The following SPAG16 variants were observed in gnomAD, a reference collection of about 807,000 sequenced individuals.
SPAG16 encodes the protein sperm associated antigen 16.
SPAG16 carries 86 observed loss-of-function variants against 80.4 expected under a neutral mutation model. That is an observed-to-expected ratio of 1.07 (90% CI 0.90 to 1.28). The LOEUF (loss-of-function observed/expected upper bound fraction) is 1.28. Among genes scored for constraint, SPAG16 ranks in the 50% most tolerant of loss-of-function variants. SPAG16 has a pLI of 0.00. For missense variants in SPAG16, 870 were observed against 765.3 expected (o/e 1.14, Z -1.61); for synonymous variants, 294 against 265.9 (o/e 1.11, Z -1.03).
intron 9 of SPAG16, among the ~76,000 whole-genome samples, chr2:213,471,749 G>A (rs1185216547): frequency 6.6e-6 from 1 of 152,114 alleles, no homozygotes; most frequent in Admixed American, 6.5e-5. Context: ...ACTCAAAACT[G>A]GCAGCCTTTT....
At chr2:213,439,963 C>T (rs1360939288) in intron 9 of SPAG16, among the ~76,000 whole-genome samples, 1 of 152,138 alleles carries the variant, frequency 6.6e-6, no homozygotes, top group Non-Finnish European at 1.5e-5. Context: ...AAAGTGTATA[C>T]ATTTTTGTTT....
At chr2:214,375,671 G>A (rs1401332154) in intron 15 of SPAG16, among the ~76,000 whole-genome samples, 2 of 152,102 alleles carry the variant, frequency 1.3e-5, no homozygotes, top group Admixed American at 6.5e-5. Context: ...GAGTAAACCA[G>A]GTATGCTTTG....
intron 5 of SPAG16, among the ~76,000 whole-genome samples, chr2:213,320,963 T>G (rs2063586036): frequency 6.6e-6 from 1 of 152,108 alleles, no homozygotes; most frequent in African/African-American, 2.4e-5. Context: ...TTTTTCAATT[T>G]GACTTCTGAG....
intron 9 of SPAG16, among the ~76,000 whole-genome samples, chr2:213,488,288 A>G (rs939619657): frequency 2.6e-5 from 4 of 152,296 alleles, no homozygotes; most frequent in Non-Finnish European, 2.9e-5. Flanking sequence ...AAGATATGGT[A>G]AATTGCACAC....
chr2:213,648,616 A>G (rs1249205579), intron 10 of SPAG16, among the ~76,000 whole-genome samples: 1 of 152,084 alleles, frequency 6.6e-6, no homozygotes, highest in East Asian at 1.9e-4. Flanking sequence ...ACACACACAC[A>G]CACATTTACT....
chr2:213,584,479 A>C (rs1443850418), intron 10 of SPAG16, among the ~76,000 whole-genome samples: 1 of 152,098 alleles, frequency 6.6e-6, no homozygotes, highest in African/African-American at 2.4e-5. Context: ...GAGATCAAAG[A>C]ATCTCAGTGA....
At chr2:213,974,022 A>G (rs2045226736) in intron 12 of SPAG16, among the ~76,000 whole-genome samples, 1 of 152,110 alleles carries the variant, frequency 6.6e-6, no homozygotes, top group Non-Finnish European at 1.5e-5. Context: ...ATTAATAAGG[A>G]TAACTTTTAA....
chr2:213,545,724 C>T (rs1024961228), intron 10 of SPAG16, among the ~76,000 whole-genome samples: 4 of 151,790 alleles, frequency 2.6e-5, no homozygotes, highest in Admixed American at 2.6e-4. Flanking sequence ...GGGAGGTTTT[C>T]CTTTATTGTT....
intron 10 of SPAG16, among the ~76,000 whole-genome samples, chr2:213,823,271 T>C (rs1391432351): frequency 6.6e-6 from 1 of 152,232 alleles, no homozygotes; most frequent in Non-Finnish European, 1.5e-5. Flanking sequence ...CCATTCTGAC[T>C]GGCATGAGAT....
rs148024510 is a variant in SPAG16 at position 213,452,555 on chromosome 2, A to G, written c.943-37408A>G. 5.3e-5 allele frequency among the ~76,000 whole-genome samples: 8 copies of G among 152,344 alleles called. No individual in the cohort carries two copies. In the East Asian group the frequency reaches 1.3e-3, roughly 26 times the overall value. ...TGGGAGTATTACAATAATATTCTCT[A>G]CAAGGTATACCCACTCAGGAAACAG... On this transcript the variant is annotated intron_variant, in intron 9 of 15. Transcript: ENST00000331683.
At chr2:213,668,729 A>G (rs1446850895) in intron 10 of SPAG16, among the ~76,000 whole-genome samples, 1 of 151,658 alleles carries the variant, frequency 6.6e-6, no homozygotes, top group Admixed American at 6.6e-5. Flanking sequence ...GCTCACTGCA[A>G]CCTCCACCTC....
At chr2:213,757,204 AAAG>A (rs2068391214) in intron 10 of SPAG16, among the ~76,000 whole-genome samples, 3 of 152,216 alleles carry the variant, frequency 2.0e-5, no homozygotes. Context: ...AAACATTTCT[AAAG>A]AAAATAAAGA....
At chr2:213,980,776 G>T (rs2045704840) in intron 12 of SPAG16, among the ~76,000 whole-genome samples, 2 of 145,746 alleles carry the variant, frequency 1.4e-5, no homozygotes, top group South Asian at 4.3e-4. Flanking sequence ...GGGTGTGATG[G>T]TGTGTGCCTG....
At chr2:214,009,027 C>T (rs555844764) in intron 12 of SPAG16, among the ~76,000 whole-genome samples, 1 of 152,146 alleles carries the variant, frequency 6.6e-6, no homozygotes, top group Non-Finnish European at 1.5e-5. Flanking sequence ...CCACTTCACC[C>T]AGGATTAAAC....
intron 9 of SPAG16, among the ~76,000 whole-genome samples, chr2:213,407,098 G>C (rs111850307): frequency 0.2 from 29,880 of 152,058 alleles, 3,886 homozygotes; most frequent in Non-Finnish European, 0.3. Flanking sequence ...CTAAATGTGT[G>C]TGTGCGTGAA....
chr2:214,308,684 C>CT (rs543798778), intron 15 of SPAG16, among the ~76,000 whole-genome samples: 86 of 148,668 alleles, frequency 5.8e-4, no homozygotes, highest in East Asian at 2.6e-3. Flanking sequence ...TTTGGAAATT[C>CT]TTTTTTTTTT....
At chr2:213,442,857 A>G (rs765197719) in intron 9 of SPAG16, among the ~76,000 whole-genome samples, 14 of 152,210 alleles carry the variant, frequency 9.2e-5, no homozygotes, top group Non-Finnish European at 1.9e-4. Context: ...TGGTGGATAT[A>G]GCACCAAAGA....
intron 15 of SPAG16, among the ~76,000 whole-genome samples, chr2:214,284,797 CTGTGTGTGTGTG>C (rs34221048): frequency 0.4 from 59,897 of 149,764 alleles, 14,210 homozygotes; most frequent in South Asian, 0.58. Context: ...ATATTTTACT[CTGTGTGTGTGTG>C]TGTGTGTGTG....
intron 10 of SPAG16, among the ~76,000 whole-genome samples, chr2:213,630,794 AC>A (rs1164819392): frequency 6.6e-6 from 1 of 152,228 alleles, no homozygotes; most frequent in Non-Finnish European, 1.5e-5. Flanking sequence ...AATTAAGAGC[AC>A]TACCATACTC....
Sources: allele counts gnomAD v4.1 joint callset (sites outside exome capture counted in the v4.1 genomes callset), GRCh38; gene constraint gnomAD v4.1.1; transcripts MANE v1.5; gene names NCBI Gene and HGNC (gene_info 2026-07-23, HGNC 2026-07-21).